The following CIMAP2 variants were observed in gnomAD, a reference collection of about 807,000 sequenced individuals.
The protein encoded by CIMAP2 is ciliary microtubule associated protein 2.
the CIMAP2 span, among the ~76,000 whole-genome samples, chr1:54,838,463 T>C: frequency 1.4e-5 from 2 of 143,626 alleles, no homozygotes; most frequent in African/African-American, 2.6e-5. Flanking sequence ...GCCTAGGCAA[T>C]AGAATGAGAC....
chr1:54,808,642 A>C, the CIMAP2 span, among the ~76,000 whole-genome samples: 1 of 135,272 alleles, frequency 7.4e-6, no homozygotes. Context: ...CTTTGACAGG[A>C]AGAGGACCTA....
At chr1:54,841,880 A>G in the CIMAP2 span, 1 of 1,551,258 alleles carries the variant, frequency 6.4e-7, no homozygotes, top group East Asian at 2.4e-5. Context: ...TTAAAGCCAC[A>G]TGCGAAGGAC....
chr1:54,811,765 G>GCCGGGGGGGGGGGGCGGCCCCCCCCC, the CIMAP2 span: 2 of 1,301,332 alleles, frequency 1.5e-6, no homozygotes, highest in East Asian at 5.0e-5. Flanking sequence ...GGTTCTGACA[G>GCCGGGGGGGGGGGGCGGCCCCCCCCC]CCTCCATGCC....
chr1:54,827,203 C>T, the CIMAP2 span, among the ~76,000 whole-genome samples: 1 of 152,220 alleles, frequency 6.6e-6, no homozygotes, highest in African/African-American at 2.4e-5. Context: ...AGTGACAGAG[C>T]TGGCACTAGA....
the CIMAP2 span, chr1:54,811,765 G>GCCGGGGGGGGCCCCCCCCCCCCCC: frequency 2.3e-6 from 3 of 1,301,328 alleles, no homozygotes; most frequent in Non-Finnish European, 3.3e-6. Flanking sequence ...GGTTCTGACA[G>GCCGGGGGGGGCCCCCCCCCCCCCC]CCTCCATGCC....
At chr1:54,815,599 G>A in the CIMAP2 span, among the ~76,000 whole-genome samples, 2 of 152,052 alleles carry the variant, frequency 1.3e-5, no homozygotes, top group Non-Finnish European at 2.9e-5. Context: ...CCAAGTGTGC[G>A]ATGTATCTTT....
chr1:54,837,996 A>G, the CIMAP2 span, among the ~76,000 whole-genome samples: 2 of 151,920 alleles, frequency 1.3e-5, no homozygotes, highest in African/African-American at 4.8e-5. Flanking sequence ...GGAGTGGGAG[A>G]GAGGAAATAC....
chr1:54,841,906 G>C, the CIMAP2 span: 1 of 1,544,906 alleles, frequency 6.5e-7, no homozygotes, highest in Non-Finnish European at 8.8e-7. Flanking sequence ...GCAGTGACCA[G>C]AGAGCCCAAA....
the CIMAP2 span, among the ~76,000 whole-genome samples, chr1:54,822,538 G>A: frequency 6.6e-6 from 1 of 151,920 alleles, no homozygotes; most frequent in African/African-American, 2.4e-5. Context: ...TTTGATGTAG[G>A]CATTTATTGC....
chr1:54,841,868 C>T, the CIMAP2 span: 2 of 1,551,814 alleles, frequency 1.3e-6, no homozygotes, highest in Admixed American at 3.9e-5. Flanking sequence ...AGATCCTACT[C>T]CTTAAAGCCA....
chr1:54,808,607 G>A, the CIMAP2 span, among the ~76,000 whole-genome samples: 6,013 of 126,910 alleles, frequency 0.047, 610 homozygotes, highest in African/African-American at 0.16. Flanking sequence ...TATTCCAGGT[G>A]CTGCCGGGGG....
At chr1:54,837,710 G>A in the CIMAP2 span, among the ~76,000 whole-genome samples, 2 of 152,114 alleles carry the variant, frequency 1.3e-5, no homozygotes, top group Non-Finnish European at 1.5e-5. Context: ...CCCCAAGGGG[G>A]AAAATGCCAC....
chr1:54,812,993 G>A, the CIMAP2 span, among the ~76,000 whole-genome samples: 1 of 152,200 alleles, frequency 6.6e-6, no homozygotes, highest in East Asian at 1.9e-4. Flanking sequence ...CTGAGCTGAG[G>A]CCTTCGACCT....
At chr1:54,811,765 G>GCCGGGGGGGGGGCGCCCCCCCCCCCCC in the CIMAP2 span, 2 of 1,301,322 alleles carry the variant, frequency 1.5e-6, no homozygotes, top group Non-Finnish European at 2.2e-6. Context: ...GGTTCTGACA[G>GCCGGGGGGGGGGCGCCCCCCCCCCCCC]CCTCCATGCC....
At chr1:54,840,099 C>T in the CIMAP2 span, among the ~76,000 whole-genome samples, 1 of 152,184 alleles carries the variant, frequency 6.6e-6, no homozygotes, top group Non-Finnish European at 1.5e-5. Flanking sequence ...CATATAACCT[C>T]AGGCAAGATA....
chr1:54,806,656 G>T, the CIMAP2 span, among the ~76,000 whole-genome samples: 2 of 145,550 alleles, frequency 1.4e-5, no homozygotes, highest in Non-Finnish European at 3.0e-5. Flanking sequence ...TGGGGCTACA[G>T]CAGTGAACAC....
chr1:54,806,220 G>T, the CIMAP2 span: 1 of 1,528,090 alleles, frequency 6.5e-7, no homozygotes. Flanking sequence ...CAGAGCCACA[G>T]GTGGGGCCCG....
At chr1:54,809,106 A>G in the CIMAP2 span, among the ~76,000 whole-genome samples, 6 of 138,902 alleles carry the variant, frequency 4.3e-5, no homozygotes, top group Admixed American at 4.4e-4. Flanking sequence ...TGTGGACTGA[A>G]TAAGTGCATG....
the CIMAP2 span, among the ~76,000 whole-genome samples, chr1:54,836,510 T>C: frequency 6.6e-6 from 1 of 151,746 alleles, no homozygotes; most frequent in Middle Eastern, 3.4e-3. Flanking sequence ...GGGAGAAACG[T>C]TGGCCTTGGA....
Sources: gnomAD v4.1 joint callset for allele counts (sites outside exome capture counted in the v4.1 genomes callset) on GRCh38, gnomAD v4.1.1 for gene constraint, MANE v1.5 for transcripts, NCBI Gene and HGNC (gene_info 2026-07-23, HGNC 2026-07-21) for gene names.